ROBO1: variants seen among roughly 807,000 people sequenced by gnomAD.
ROBO1 encodes roundabout guidance receptor 1, also known as roundabout homolog 1.
A neutral mutation model predicts 195.9 loss-of-function variants in ROBO1; 149 were observed. That is an observed-to-expected ratio of 0.76 (90% CI 0.67 to 0.87). ROBO1 has a LOEUF of 0.87. Among genes scored for constraint, ROBO1 ranks in the 40% least tolerant of loss-of-function variants. ROBO1 has a pLI of 0.00. For synonymous variants in ROBO1, 816 were observed against 733.2 expected, an observed-to-expected ratio of 1.11 and a Z score of -1.82; for missense variants, 1,933 against 2,068.3, an observed-to-expected ratio of 0.93 and a Z score of 1.27.
At chr3:79,509,397 C>T (rs1460189108) in intron 2 of ROBO1, among the ~76,000 whole-genome samples, 10 of 152,046 alleles carry the variant, frequency 6.6e-5, no homozygotes, top group Admixed American at 6.6e-5. Flanking sequence ...AGACTGTATC[C>T]TGTCTAAAAA....
At chr3:79,529,456 G>A (rs1379674427) in intron 2 of ROBO1, among the ~76,000 whole-genome samples, 3 of 152,142 alleles carry the variant, frequency 2.0e-5, no homozygotes, top group African/African-American at 4.8e-5. Context: ...CAGCCTGGGC[G>A]ACAGAGTGAG....
At chr3:78,663,483 G>A (rs1190878148) in intron 14 of ROBO1, among the ~76,000 whole-genome samples, 1 of 152,016 alleles carries the variant, frequency 6.6e-6, no homozygotes, top group African/African-American at 2.4e-5. Flanking sequence ...TTACCCACTG[G>A]TCTCAATTGC....
Position 78,662,122 on chromosome 3 carries a change from A to T in ROBO1, c.1967-8T>A, listed in dbSNP as rs368732828. The T allele has an allele frequency of 2.9e-4, 443 of 1,553,966 alleles. 1 individual carries two copies. The highest frequency in any genetic ancestry group is 3.6e-4 in the Non-Finnish European group (417 of 1,148,298). On this transcript the variant is annotated splice_region_variant and splice_polypyrimidine_tract_variant and intron_variant, in intron 14 of 30. Transcript: ENST00000464233. ...GACTTGTTGGTAGGACATCTACAAC[A>T]AGTCAAGAAAACTGTGTCAGGGTCT...
chr3:79,679,263 C>T (rs925809611), intron 1 of ROBO1, among the ~76,000 whole-genome samples: 13 of 151,806 alleles, frequency 8.6e-5, no homozygotes, highest in African/African-American at 2.4e-4. Flanking sequence ...TTTGAAACAA[C>T]GTGTCTTTGA....
intron 4 of ROBO1, among the ~76,000 whole-genome samples, chr3:78,856,471 A>T (rs146882677): frequency 1.1e-3 from 160 of 151,932 alleles, no homozygotes; most frequent in Non-Finnish European, 1.9e-3. Flanking sequence ...CATAAATTTG[A>T]AGGTCATTGA....
At chr3:79,717,377 T>C (rs1576276415) in intron 1 of ROBO1, among the ~76,000 whole-genome samples, 1 of 152,110 alleles carries the variant, frequency 6.6e-6, no homozygotes, top group East Asian at 1.9e-4. Flanking sequence ...GCTAGAATGA[T>C]AAAATGCCAG....
intron 2 of ROBO1, among the ~76,000 whole-genome samples, chr3:79,364,914 T>C (rs1466316873): frequency 6.6e-6 from 1 of 152,180 alleles, no homozygotes; most frequent in Non-Finnish European, 1.5e-5. Flanking sequence ...CTGAAAGCCA[T>C]AAGACTACAT....
intron 1 of ROBO1, among the ~76,000 whole-genome samples, chr3:79,648,211 C>T (rs1287566036): frequency 3.3e-5 from 5 of 152,056 alleles, no homozygotes; most frequent in Non-Finnish European, 7.4e-5. Flanking sequence ...AAAGGAACTT[C>T]TGTGTTTGGA....
At chr3:78,837,313 C>G (rs1049387267) in intron 4 of ROBO1, among the ~76,000 whole-genome samples, 38 of 152,176 alleles carry the variant, frequency 2.5e-4, no homozygotes, top group East Asian at 9.6e-4. Flanking sequence ...TTTAAAATTT[C>G]TCAACAGTCA....
chr3:79,377,949 G>C (rs934891363), intron 2 of ROBO1, among the ~76,000 whole-genome samples: 5 of 152,104 alleles, frequency 3.3e-5, no homozygotes, highest in African/African-American at 4.8e-5. Context: ...GCATGACAAA[G>C]GTAAAACACT....
intron 3 of ROBO1, 69 bp from the exon 4 acceptor site, chr3:78,938,996 T>A: frequency 7.4e-7 from 1 of 1,353,444 alleles, no homozygotes. Context: ...TTTTAAAGCA[T>A]TGGCTTAACC....
intron 3 of ROBO1, chr3:79,019,121 T>A (rs2078038669): frequency 4.1e-6 from 4 of 986,364 alleles, no homozygotes; most frequent in Non-Finnish European, 4.8e-6. Context: ...ATGCGGAGGG[T>A]ACTGGAGACA....
intron 2 of ROBO1, among the ~76,000 whole-genome samples, chr3:79,560,710 C>T (rs1942887295): frequency 6.6e-6 from 1 of 151,736 alleles, no homozygotes; most frequent in Non-Finnish European, 1.5e-5. Context: ...CACATTTAGT[C>T]TGTCATCATC....
intron 2 of ROBO1, among the ~76,000 whole-genome samples, chr3:79,329,246 C>T (rs758330512): frequency 6.6e-6 from 1 of 152,262 alleles, no homozygotes; most frequent in East Asian, 1.9e-4. Flanking sequence ...GAGAGTTAGC[C>T]TTCCTACTCT....
intron 4 of ROBO1, among the ~76,000 whole-genome samples, chr3:78,853,782 T>G (rs543563821): frequency 6.6e-6 from 1 of 152,042 alleles, no homozygotes; most frequent in East Asian, 1.9e-4. Context: ...TCCACGTGAC[T>G]GGAGAGGCCT....
At chr3:79,074,637 C>T (rs1436997027) in intron 3 of ROBO1, among the ~76,000 whole-genome samples, 3 of 151,494 alleles carry the variant, frequency 2.0e-5, no homozygotes, top group Admixed American at 6.6e-5. Flanking sequence ...CTACATTGCC[C>T]AGGCTGGTCT....
At chr3:79,290,377 T>A (rs185738712) in intron 2 of ROBO1, among the ~76,000 whole-genome samples, 4 of 152,082 alleles carry the variant, frequency 2.6e-5, no homozygotes, top group Non-Finnish European at 4.4e-5. Flanking sequence ...ATGCTTGTGG[T>A]CTTGTAAGGA....
intron 2 of ROBO1, among the ~76,000 whole-genome samples, chr3:79,544,338 T>C (rs1020743395): frequency 6.6e-6 from 1 of 151,964 alleles, no homozygotes; most frequent in African/African-American, 2.4e-5. Context: ...ATGTTTCTAA[T>C]CATTAATTTC....
intron 12 of ROBO1, 57 bp downstream of exon 12, chr3:78,668,427 T>TA: frequency 6.3e-7 from 1 of 1,597,198 alleles, no homozygotes; most frequent in Non-Finnish European, 8.6e-7. Flanking sequence ...AATATCCCAG[T>TA]AAGTAAACAA....
Sources: allele counts gnomAD v4.1 joint callset (sites outside exome capture counted in the v4.1 genomes callset), GRCh38; gene constraint gnomAD v4.1.1; transcripts MANE v1.5; gene names NCBI Gene and HGNC (gene_info 2026-07-23, HGNC 2026-07-21).